PEBP4: variants seen among roughly 807,000 people sequenced by gnomAD.
The protein encoded by PEBP4 is phosphatidylethanolamine-binding protein 4.
PEBP4 carries 22 observed loss-of-function variants against 23.9 expected under a neutral mutation model. The ratio of observed to expected loss-of-function variants is 0.92; its 90% CI spans 0.66 to 1.31. The LOEUF is 1.31. Among genes scored for constraint, PEBP4 ranks in the 40% most tolerant of loss-of-function variants. The pLI is 0.00. For missense variants in PEBP4, 324 were observed against 281.7 expected (o/e 1.15, Z -1.07); for synonymous variants, 112 against 99.3 (o/e 1.13, Z -0.76).
At chr8:22,731,648 TC>T (rs1804735375) in intron 4 of PEBP4, among the ~76,000 whole-genome samples, 1 of 124,862 alleles carries the variant, frequency 8.0e-6, no homozygotes, top group Non-Finnish European at 1.6e-5. Context: ...TATTTATCTA[TC>T]TATCTATTTA....
chr8:22,908,937 C>G (rs1422186876), intron 3 of PEBP4, among the ~76,000 whole-genome samples: 5 of 152,194 alleles, frequency 3.3e-5, no homozygotes, highest in Admixed American at 6.5e-5. Flanking sequence ...GCGTTGCATC[C>G]TGGAGATACT....
intron 3 of PEBP4, among the ~76,000 whole-genome samples, chr8:22,849,667 C>T (rs1807511537): frequency 6.6e-6 from 1 of 152,198 alleles, no homozygotes; most frequent in South Asian, 2.1e-4. Context: ...TCTCTGACAT[C>T]CTGGGTGTCA....
rs1386523689 is a variant in PEBP4, at chr8:22,920,235, C to T, written c.207G>A (p.Gln69=). The T allele has an allele frequency of 3.1e-6, 5 of 1,613,692 alleles. No individual in the cohort carries two copies. Among genetic ancestry groups the T allele is most frequent in the Non-Finnish European group, 4.2e-6 (5 of 1,179,800 alleles). The change falls in exon 3 of 7, where the codon CAG becomes CAA. Residue 69 remains glutamine (Q), a synonymous_variant. Transcript: ENST00000256404. ...TCGGCTCCATCCAGGAGGTGATCTT[C>T]TGTCTGTAGTTGTTACAATCAGGAA... ...KVVPDCNNYR[Q]KITSWMEPIV...
intron 3 of PEBP4, among the ~76,000 whole-genome samples, chr8:22,869,091 G>C (rs896910405): frequency 1.3e-5 from 2 of 152,142 alleles, no homozygotes; most frequent in African/African-American, 4.8e-5. Context: ...GCACTCCCCT[G>C]CCTCATGGCC....
chr8:22,819,925 G>A (rs543470692), intron 3 of PEBP4, among the ~76,000 whole-genome samples: 1 of 152,068 alleles, frequency 6.6e-6, no homozygotes, highest in Non-Finnish European at 1.5e-5. Context: ...TTTTAAAGAG[G>A]GGGATGATGT....
At chr8:22,724,475 C>T (rs560320394) in intron 6 of PEBP4, among the ~76,000 whole-genome samples, 2 of 152,346 alleles carry the variant, frequency 1.3e-5, no homozygotes, top group African/African-American at 4.8e-5. Context: ...CCAGATCAGA[C>T]TCAATTACAG....
At position 22,794,648 on chromosome 8, in the gene PEBP4, C is replaced by A. The variant is rs181427157; in HGVS notation, c.357+22989G>T. 2.1e-3 allele frequency among the ~76,000 whole-genome samples: 325 copies of A among 152,254 alleles called. 1 individual carries two copies. The highest frequency in any genetic ancestry group is 0.01 in the Middle Eastern group (3 of 294). The stretch of plus-strand genomic sequence containing the variant: ...TACGTGTTAAAGACAATAATCCTCA[C>A]CGTATATTGCACATTTTTTTCAATG... On this transcript the variant is annotated intron_variant, in intron 4 of 6. Coordinates refer to ENST00000256404, the MANE Select transcript of PEBP4 (RefSeq NM_144962.3).
Position 22,775,320 on chromosome 8 carries a change from C to T in PEBP4, c.357+42317G>A, listed in dbSNP as rs1805793653. On this transcript the variant is annotated intron_variant, in intron 4 of 6. Transcript: ENST00000256404. The surrounding 1 kb of genome is among the most constrained non-coding windows in gnomAD (Gnocchi z 4.8). Reference sequence around the variant, plus strand: ...TTCCTGAGGTGGGCAATGGGAAGGCCGTCAGGGCCCGTCTGCCAGGGAGAA... The same window carrying T: ...TTCCTGAGGTGGGCAATGGGAAGGCTGTCAGGGCCCGTCTGCCAGGGAGAA... 6.6e-6 allele frequency among the ~76,000 whole-genome samples: 1 copy of T among 152,196 alleles called. No homozygotes were observed. Among genetic ancestry groups the T allele is most frequent in the African/African-American group, 2.4e-5 (1 of 41,450 alleles).
chr8:22,740,964 C>G (rs1366509118), intron 4 of PEBP4, among the ~76,000 whole-genome samples: 1 of 152,192 alleles, frequency 6.6e-6, no homozygotes, highest in Non-Finnish European at 1.5e-5. Context: ...CATGCTCCCC[C>G]CACCTACCCT....
chr8:22,782,754 G>A (rs114175621), intron 4 of PEBP4, among the ~76,000 whole-genome samples: 3,097 of 152,314 alleles, frequency 0.02, 48 homozygotes, highest in South Asian at 0.077. Context: ...CCTCCAGGAG[G>A]TTAAGGACCG....
At chr8:22,801,163 A>G (rs1188517179) in intron 4 of PEBP4, among the ~76,000 whole-genome samples, 2 of 152,068 alleles carry the variant, frequency 1.3e-5, no homozygotes, top group Non-Finnish European at 2.9e-5. Flanking sequence ...TAATTAACAA[A>G]CTTTGTGCAG....
At chr8:22,918,080 C>T (rs756386880) in intron 3 of PEBP4, among the ~76,000 whole-genome samples, 1 of 152,142 alleles carries the variant, frequency 6.6e-6, no homozygotes, top group Non-Finnish European at 1.5e-5. Flanking sequence ...TGTCACATGC[C>T]ATTAATAGTC....
intron 6 of PEBP4, among the ~76,000 whole-genome samples, chr8:22,717,681 C>G (rs1325802337): frequency 6.6e-6 from 1 of 152,214 alleles, no homozygotes; most frequent in East Asian, 1.9e-4. Context: ...CGGCTCCGAA[C>G]AGCCCTGTTC....
chr8:22,882,049 C>T (rs930250403), intron 3 of PEBP4, among the ~76,000 whole-genome samples: 9 of 152,210 alleles, frequency 5.9e-5, no homozygotes, highest in African/African-American at 2.2e-4. Context: ...GCTTCTCCAA[C>T]ATGTGGCTGT....
chr8:22,936,190 C>G (rs1243689872), intron 1 of PEBP4, among the ~76,000 whole-genome samples: 2 of 151,614 alleles, frequency 1.3e-5, no homozygotes, highest in Non-Finnish European at 2.9e-5. Flanking sequence ...AATTAAAAAA[C>G]AGAGAAGACT....
chr8:22,720,409 C>T (rs539543129), intron 6 of PEBP4, among the ~76,000 whole-genome samples: 15 of 152,274 alleles, frequency 9.9e-5, no homozygotes, highest in South Asian at 2.1e-4. Flanking sequence ...GAGAATGAGA[C>T]GCCCAGATGG....
At chr8:22,828,521 G>C (rs1218748511) in intron 3 of PEBP4, among the ~76,000 whole-genome samples, 1 of 151,952 alleles carries the variant, frequency 6.6e-6, no homozygotes, top group African/African-American at 2.4e-5. Flanking sequence ...TGTTTTCCTG[G>C]CTTTCCCCTG....
At chr8:22,871,623 T>C (rs866213476) in intron 3 of PEBP4, among the ~76,000 whole-genome samples, 10 of 151,098 alleles carry the variant, frequency 6.6e-5, no homozygotes, top group South Asian at 4.2e-4. Context: ...GGTACGATCT[T>C]GGCTCACTGC....
chr8:22,899,257 G>A (rs1173148117), intron 3 of PEBP4, among the ~76,000 whole-genome samples: 2 of 152,228 alleles, frequency 1.3e-5, no homozygotes, highest in African/African-American at 4.8e-5. Flanking sequence ...AGGGAGCCAA[G>A]GGCTGCCGGG....
Sources: allele counts gnomAD v4.1 joint callset (sites outside exome capture counted in the v4.1 genomes callset), GRCh38; gene constraint gnomAD v4.1.1; non-coding constraint Gnocchi (gnomAD v3.1); transcripts MANE v1.5; gene names NCBI Gene and HGNC (gene_info 2026-07-23, HGNC 2026-07-21).